Variants in MEGF10 observed in about 807,000 individuals in gnomAD.
MEGF10 encodes the protein multiple EGF like domains 10.
A neutral mutation model predicts 147.5 loss-of-function variants in MEGF10; 86 were observed. The observed-to-expected ratio is 0.58, with a 90% CI of 0.49 to 0.70. The LOEUF (loss-of-function observed/expected upper bound fraction) is 0.70. Among genes scored for constraint, MEGF10 ranks in the 30% least tolerant of loss-of-function variants. MEGF10 has a pLI of 0.00. For missense variants in MEGF10, 1,329 were observed against 1,487.3 expected, an observed-to-expected ratio of 0.89 and a Z score of 1.75; for synonymous variants, 478 against 525.5, an observed-to-expected ratio of 0.91 and a Z score of 1.24.
intron 1 of MEGF10, among the ~76,000 whole-genome samples, chr5:127,321,348 C>T (rs541590666): frequency 7.9e-5 from 12 of 151,918 alleles, no homozygotes; most frequent in Non-Finnish European, 1.8e-4. Flanking sequence ...CTCTTGGGAG[C>T]CAAGTAAATG....
At chr5:127,241,505 C>T in the MEGF10 span, among the ~76,000 whole-genome samples, 1 of 151,906 alleles carries the variant, frequency 6.6e-6, no homozygotes, top group African/African-American at 2.4e-5. Context: ...TTGGATTGTG[C>T]CTGGGTGTCA....
chr5:127,323,531 G>A (rs1405352168), intron 1 of MEGF10, among the ~76,000 whole-genome samples: 1 of 152,216 alleles, frequency 6.6e-6, no homozygotes, highest in African/African-American at 2.4e-5. Context: ...GGTTACTTCT[G>A]TATGTTAATG....
chr5:127,331,259 C>A, intron 1 of MEGF10, 32 bp from the exon 2 acceptor site: 1 of 1,131,460 alleles, frequency 8.8e-7, no homozygotes, highest in Non-Finnish European at 1.3e-6. Flanking sequence ...CATTTCAATG[C>A]ATTTCTAATT....
At chr5:127,388,520 TATTTA>T (rs1763522907) in intron 5 of MEGF10, among the ~76,000 whole-genome samples, 1 of 22,762 alleles carries the variant, frequency 4.4e-5, no homozygotes, top group Non-Finnish European at 2.2e-4. Context: ...TTTTTCTTTT[TATTTA>T]TTTATTTATT....
chr5:127,325,857 A>ATATATATATACATATATGTGTG (rs1760997519), intron 1 of MEGF10, among the ~76,000 whole-genome samples: 2 of 129,318 alleles, frequency 1.5e-5, no homozygotes, highest in African/African-American at 5.8e-5. Flanking sequence ...ATATGTGTGT[A>ATATATATATACATATATGTGTG]TATATATATA....
In MEGF10 at chr5:127,377,880, G is replaced by A. The variant is rs1763094890; in HGVS notation, c.412+7878G>A. The stretch of plus-strand genomic sequence containing the variant: ...CGAAATCAGGTTGATGGAGCAGCAA[G>A]AATAAGAGTAGATCAGTTGGGTTCA... On this transcript the variant is annotated intron_variant, in intron 5 of 24. Transcript: ENST00000503335. Among the ~76,000 whole-genome samples the A allele has an allele frequency of 1.3e-5, 2 of 152,216 alleles. 1 individual carries two copies. Among genetic ancestry groups the A allele is most frequent in the South Asian group, 4.1e-4 (2 of 4,824 alleles).
chr5:127,265,200 G>A, the MEGF10 span, among the ~76,000 whole-genome samples: 1 of 152,154 alleles, frequency 6.6e-6, no homozygotes. Flanking sequence ...AGTTTGCTGA[G>A]AATGATGGTT....
At chr5:127,266,732 T>A in the MEGF10 span, among the ~76,000 whole-genome samples, 56 of 152,364 alleles carry the variant, frequency 3.7e-4, no homozygotes, top group African/African-American at 2.2e-4. Flanking sequence ...TGTCTGTTAT[T>A]GGTGTATAAG....
rs1158434127 is a variant in MEGF10 at position 127,461,112 on chromosome 5, A to G, written c.*3794A>G. On this transcript the variant is annotated 3_prime_UTR_variant, in exon 25 of 25. Transcript: ENST00000503335. ...CAAACAAAAAATGCTTTCAGTGTTGAAATATCTCTATTTTCCAAAGATGAT... is the reference window on the plus strand; with the variant it reads ...CAAACAAAAAATGCTTTCAGTGTTGGAATATCTCTATTTTCCAAAGATGAT... 6.6e-6 allele frequency: 1 copy of G among 152,210 alleles called. No individual in the cohort carries two copies. Among genetic ancestry groups the G allele is most frequent in the Non-Finnish European group, 1.5e-5 (1 of 68,028 alleles). The allele number at this position is 152,210 out of a possible 1,614,324, so 9.4% of individuals were successfully genotyped here.
At chr5:127,307,489 G>T (rs1760067736) in intron 1 of MEGF10, among the ~76,000 whole-genome samples, 1 of 152,200 alleles carries the variant, frequency 6.6e-6, no homozygotes, top group Admixed American at 6.5e-5. Flanking sequence ...GACTGAAAGT[G>T]TTTATTTTGA....
intron 7 of MEGF10, among the ~76,000 whole-genome samples, chr5:127,400,950 A>G (rs75033426): frequency 0.023 from 3,574 of 152,316 alleles, 71 homozygotes; most frequent in Non-Finnish European, 0.033. Context: ...GGTGCTTTTC[A>G]AAGATGAATA....
At chr5:127,398,106 C>T (rs748522704) in intron 6 of MEGF10, among the ~76,000 whole-genome samples, 1 of 151,870 alleles carries the variant, frequency 6.6e-6, no homozygotes, top group East Asian at 1.9e-4. Flanking sequence ...AGGACAAATA[C>T]CTAATGCATG....
chr5:127,334,905 G>C (rs186425485), intron 2 of MEGF10, among the ~76,000 whole-genome samples: 107 of 152,210 alleles, frequency 7.0e-4, no homozygotes, highest in Non-Finnish European at 1.3e-3. Context: ...GATAATTTAG[G>C]CAGGTAAAAT....
At chr5:127,434,562 G>A (rs943047751) in intron 14 of MEGF10, 125 bp from the exon 15 acceptor site, 10 of 1,041,424 alleles carry the variant, frequency 9.6e-6, no homozygotes, top group African/African-American at 4.9e-5. Context: ...AAAATTCTCC[G>A]TATCTTTTTT....
At chr5:127,255,471 G>A in the MEGF10 span, among the ~76,000 whole-genome samples, 43 of 151,614 alleles carry the variant, frequency 2.8e-4, 1 homozygote, top group Admixed American at 6.6e-5. Context: ...AAGGAGGGGG[G>A]CAGTTTTAGG....
At chr5:127,233,648 CT>C in the MEGF10 span, among the ~76,000 whole-genome samples, 5 of 152,192 alleles carry the variant, frequency 3.3e-5, no homozygotes, top group Non-Finnish European at 5.9e-5. Flanking sequence ...TTATTATTCA[CT>C]TTTTTTCCCA....
At chr5:127,361,542 A>G (rs1006623561) in intron 4 of MEGF10, among the ~76,000 whole-genome samples, 3 of 151,414 alleles carry the variant, frequency 2.0e-5, no homozygotes, top group African/African-American at 7.3e-5. Context: ...TTTGATTTTT[A>G]TTATTTCTTT....
At chr5:127,233,929 T>A in the MEGF10 span, among the ~76,000 whole-genome samples, 1 of 152,212 alleles carries the variant, frequency 6.6e-6, no homozygotes, top group Admixed American at 6.5e-5. Flanking sequence ...CTTTGAAAGC[T>A]ATCTGTGGGG....
At chr5:127,348,929 C>T (rs1427984827) in intron 4 of MEGF10, among the ~76,000 whole-genome samples, 1 of 152,032 alleles carries the variant, frequency 6.6e-6, no homozygotes, top group African/African-American at 2.4e-5. Flanking sequence ...ATCTTATGAA[C>T]TCTAAAATGT....
Sources: gnomAD v4.1 joint callset for allele counts (sites outside exome capture counted in the v4.1 genomes callset) on GRCh38, gnomAD v4.1.1 for gene constraint, MANE v1.5 for transcripts, NCBI Gene and HGNC (gene_info 2026-07-23, HGNC 2026-07-21) for gene names.